The following TRIP13 variants were observed in gnomAD, a reference collection of about 807,000 sequenced individuals.
TRIP13 encodes pachytene checkpoint protein 2 homolog.
Under a neutral mutation model 54.4 loss-of-function variants are expected in TRIP13, and 25 were observed. The observed-to-expected ratio is 0.46, with a 90% CI of 0.33 to 0.64. TRIP13 has a LOEUF of 0.64. Ranked by LOEUF, TRIP13 falls within the 30% of genes least tolerant of loss-of-function variation. TRIP13 has a pLI of 0.02. For missense variants in TRIP13, 373 were observed against 534.2 expected (o/e 0.70, Z 2.97); for synonymous variants, 207 against 207.8 (o/e 1.00, Z 0.03).
At position 908,648 on chromosome 5, in the gene TRIP13, G is replaced by C; in HGVS notation, c.866+187G>C. The C allele has an allele frequency of 7.0e-7, 1 of 1,422,334 alleles. No homozygotes were observed. Among genetic ancestry groups the C allele is most frequent in the East Asian group, 2.6e-5 (1 of 38,200 alleles). 88.1% of individuals were successfully genotyped at this position (1,422,334 alleles called of 1,614,324 possible). Reference sequence around the variant, plus strand: ...ATCACAAATGCTTTTTAAAGAAATTGTTTTTAGTGTGTTAAAAATGTAATA... The same window carrying C: ...ATCACAAATGCTTTTTAAAGAAATTCTTTTTAGTGTGTTAAAAATGTAATA... On this transcript the variant is annotated intron_variant, in intron 9 of 12. Transcript: ENST00000166345. The surrounding 1 kb of genome is among the most constrained non-coding windows in gnomAD (Gnocchi z 5.2).
rs1022749313 is a variant in TRIP13 at position 917,796 on chromosome 5, T to C, written c.*693T>C. On this transcript the variant is annotated 3_prime_UTR_variant, in exon 13 of 13. Transcript: ENST00000166345. ...TAACCCGGTATGGGCGCCCCTGCAT[T>C]GCTGGGATGTTTCTGCCCACGGTTT... 2 of 152,210 alleles carry C rather than the reference T, an allele frequency of 1.3e-5. No homozygotes were observed. The highest frequency in any genetic ancestry group is 1.9e-4 in the East Asian group (1 of 5,202). 9.4% of individuals were successfully genotyped at this position (152,210 alleles called of 1,614,324 possible).
At chr5:903,644 A>G (rs1754044171) in intron 5 of TRIP13, among the ~76,000 whole-genome samples, 1 of 152,184 alleles carries the variant, frequency 6.6e-6, no homozygotes, top group East Asian at 1.9e-4. Flanking sequence ...CTCTTCTAGT[A>G]TGGGGTATGA....
intron 1 of TRIP13, 90 bp from the exon 2 acceptor site, chr5:894,697 A>G (rs1295997156): frequency 2.1e-6 from 3 of 1,431,302 alleles, no homozygotes; most frequent in African/African-American, 2.9e-5. Context: ...GGGCTTTCTT[A>G]TGTATTGTCT....
chr5:908,569 G>A lies in TRIP13; in HGVS notation c.866+108G>A, dbSNP rs913394708. ...GATCTTAGTGCCCAGCTCTTTCACC[G>A]GAAAGTGCATTTGGCATTGAGTATC... On this transcript the variant is annotated intron_variant, in intron 9 of 12. Transcript: ENST00000166345. The surrounding 1 kb of genome is among the most constrained non-coding windows in gnomAD (Gnocchi z 5.2). 38 of 1,538,042 alleles carry A rather than the reference G, an allele frequency of 2.5e-5. 1 individual carries two copies. Among genetic ancestry groups the A allele is most frequent in the Middle Eastern group, 1.7e-4 (1 of 5,942 alleles).
chr5:894,952 G>A lies in TRIP13; in HGVS notation c.258G>A (p.Gln86=). The change falls in exon 2 of 13, where the codon CAG becomes CAA. Residue 86 remains glutamine (Q), a splice_region_variant and synonymous_variant. Transcript: ENST00000166345. The part of the protein sequence containing the change: ...IDTELKVKDS[Q]PIDLSACTVA... ...CAGAATTAAAGGTTAAAGACTCACA[G>A]GTAAGTTACTAATTTGCTGGGCCAA... 6.2e-7 allele frequency: 1 copy of A among 1,601,388 alleles called. No homozygotes were observed. Among genetic ancestry groups the A allele is most frequent in the Non-Finnish European group, 8.5e-7 (1 of 1,175,468 alleles).
At chr5:893,195 C>T (rs554028556) in intron 1 of TRIP13, 105 bp downstream of exon 1, 1 of 1,164,272 alleles carries the variant, frequency 8.6e-7, no homozygotes, top group South Asian at 1.4e-5. Flanking sequence ...GCGACCGAAC[C>T]CCAGGGTACT....
chr5:902,696 G>A (rs1754018497), intron 5 of TRIP13, among the ~76,000 whole-genome samples: 3 of 152,100 alleles, frequency 2.0e-5, no homozygotes. Context: ...GGGCCTGGGG[G>A]ACCACTACCA....
At chr5:893,913 C>T (rs1369252307) in intron 1 of TRIP13, among the ~76,000 whole-genome samples, 2 of 152,128 alleles carry the variant, frequency 1.3e-5, no homozygotes, top group Admixed American at 6.5e-5. Flanking sequence ...CTCAGAGACA[C>T]CTGTACACAG....
intron 1 of TRIP13, 49 bp downstream of exon 1, chr5:893,139 C>T: frequency 2.7e-6 from 4 of 1,499,098 alleles, no homozygotes; most frequent in Non-Finnish European, 3.6e-6. Context: ...CCCGCCCCGA[C>T]CCCAGCGCGT....
intron 2 of TRIP13, among the ~76,000 whole-genome samples, chr5:895,272 G>A (rs540542703): frequency 6.6e-6 from 1 of 152,286 alleles, no homozygotes; most frequent in Non-Finnish European, 1.5e-5. Context: ...TGTTTATAAA[G>A]TGCTCAGTGT....
rs748566783 is a variant in TRIP13 at position 911,960 on chromosome 5, C to T, written c.984C>T (p.Phe328=). 1.4e-5 allele frequency: 23 copies of T among 1,613,378 alleles called. No individual in the cohort carries two copies. In the East Asian group the frequency reaches 5.1e-4, roughly 36 times the overall value. Residue 328 remains phenylalanine, a synonymous_variant, in exon 10 of 13, where the codon TTC becomes TTT. Transcript: ENST00000166345. This position sits in a 1 kb window ranked among gnomAD's most constrained non-coding sequence, Gnocchi z 4.7. ...YIGPPSAAAI[F]KIYLSCLEEL... ...GGCCACCCTCTGCAGCAGCCATCTTCAAAATCTACCTCTCTTGTTTGGAAG... is the reference window on the plus strand; with the variant it reads ...GGCCACCCTCTGCAGCAGCCATCTTTAAAATCTACCTCTCTTGTTTGGAAG...
intron 9 of TRIP13, among the ~76,000 whole-genome samples, chr5:910,166 G>A (rs527534160): frequency 1.7e-4 from 26 of 152,248 alleles, no homozygotes; most frequent in Admixed American, 4.6e-4. Context: ...TGCCCCCGCC[G>A]CAGCCCAGCA....
At chr5:900,383 G>T (rs1205335074) in intron 3 of TRIP13, 111 bp from the exon 4 acceptor site, 9 of 1,033,178 alleles carry the variant, frequency 8.7e-6, no homozygotes, top group Admixed American at 5.0e-5. Flanking sequence ...TCATAGTCTT[G>T]CCTGGAGCAG....
downstream of TRIP13, among the ~76,000 whole-genome samples, chr5:918,789 G>T (rs933784831): frequency 6.6e-6 from 1 of 152,154 alleles, no homozygotes; most frequent in Non-Finnish European, 1.5e-5. The surrounding 1 kb of genome is among the most constrained non-coding windows in gnomAD (Gnocchi z 4.3). Flanking sequence ...AAAGATGTAG[G>T]CTGGGAGGTT....
chr5:909,995 TGGCCAGTTTTGG>T (rs1436421833), intron 9 of TRIP13, among the ~76,000 whole-genome samples: 1 of 152,042 alleles, frequency 6.6e-6, no homozygotes, highest in Non-Finnish European at 1.5e-5. Flanking sequence ...GATTTTGTTA[TGGCCAGTTTTGG>T]GGCCAGTTTA....
chr5:910,075 C>T (rs990897553), intron 9 of TRIP13, among the ~76,000 whole-genome samples: 6 of 152,356 alleles, frequency 3.9e-5, no homozygotes, highest in African/African-American at 9.6e-5. Context: ...AGGGGGGCCT[C>T]CCCTGCCTCT....
Position 908,305 on chromosome 5 carries a change from G to C in TRIP13, c.760-50G>C. ...GCGGGACGTATCCCCATAGCTGCCT[G>C]TGAAGTGCCAGGCCCTGTCCTTTTT... On this transcript the variant is annotated intron_variant, in intron 8 of 12. Coordinates refer to ENST00000166345, the MANE Select transcript of TRIP13 (RefSeq NM_004237.4). This position sits in a 1 kb window ranked among gnomAD's most constrained non-coding sequence, Gnocchi z 5.2. The C allele has an allele frequency of 6.3e-7, 1 of 1,592,164 alleles. No individual in the cohort carries two copies. The highest frequency in any genetic ancestry group is 8.6e-7 in the Non-Finnish European group (1 of 1,167,838).
chr5:895,904 T>C (rs1364481137), intron 2 of TRIP13, among the ~76,000 whole-genome samples: 3 of 152,368 alleles, frequency 2.0e-5, no homozygotes, highest in Non-Finnish European at 2.9e-5. Flanking sequence ...AGTTAATAAA[T>C]GTAGGAATTC....
At position 907,243 on chromosome 5, in the gene TRIP13, A is replaced by G; in HGVS notation, c.672+50A>G. The G allele has an allele frequency of 6.6e-7, 1 of 1,505,604 alleles. No individual in the cohort carries two copies. The highest frequency in any genetic ancestry group is 9.2e-7 in the Non-Finnish European group (1 of 1,085,824). 93.3% of individuals were successfully genotyped at this position (1,505,604 alleles called of 1,614,324 possible). On this transcript the variant is annotated intron_variant, in intron 7 of 12. Coordinates refer to ENST00000166345, the MANE Select transcript of TRIP13 (RefSeq NM_004237.4). This position sits in a 1 kb window ranked among gnomAD's most constrained non-coding sequence, Gnocchi z 4.1. ...TTGTCTGGATTGTATAGCTGAAAAA[A>G]TGTCTTGTATGTTAGGCAAATCCTC... is the stretch of plus-strand genomic sequence containing the variant.
Sources: allele counts gnomAD v4.1 joint callset (sites outside exome capture counted in the v4.1 genomes callset), GRCh38; gene constraint gnomAD v4.1.1; non-coding constraint Gnocchi (gnomAD v3.1); transcripts MANE v1.5; gene names NCBI Gene and HGNC (gene_info 2026-07-23, HGNC 2026-07-21).